MAGI1: variants seen among roughly 807,000 people sequenced by gnomAD.
MAGI1 encodes membrane associated guanylate kinase, WW and PDZ domain containing 1.
Under a neutral mutation model 139.9 loss-of-function variants are expected in MAGI1, and 58 were observed. The observed-to-expected ratio is 0.41, with a 90% confidence interval of 0.34 to 0.52. MAGI1 has a LOEUF of 0.52. Ranked by LOEUF, MAGI1 falls within the 20% of genes least tolerant of loss-of-function variation. MAGI1 has a pLI of 0.12. For synonymous variants in MAGI1, 812 were observed against 737.9 expected, an observed-to-expected ratio of 1.10 and a Z score of -1.63; for missense variants, 1,874 against 1,901.6, an observed-to-expected ratio of 0.99 and a Z score of 0.27.
At chr3:65,888,543 A>T (rs1185321255) in intron 1 of MAGI1, among the ~76,000 whole-genome samples, 1 of 152,216 alleles carries the variant, frequency 6.6e-6, no homozygotes, top group Non-Finnish European at 1.5e-5. Context: ...CAAGTAGTAA[A>T]TGGGATAAAA....
At chr3:65,382,137 A>G in intron 15 of MAGI1, 68 bp from the exon 16 acceptor site, 1 of 1,292,780 alleles carries the variant, frequency 7.7e-7, no homozygotes, top group Non-Finnish European at 1.1e-6. Flanking sequence ...AATAGCCTTC[A>G]CATCTCTGGG....
Position 65,363,498 on chromosome 3 carries a change from C to G in MAGI1, c.3462G>C (p.Glu1154Asp). ...TTCCACACCTCTCCGCAGGACCGTC[C>G]TCTGCTAAGCGCAGAACATAGAGGT... is the stretch of plus-strand genomic sequence containing the variant. ...NMDLYVLRLA[E>D]DGPAERCGKM... The change falls in exon 21 of 23, where the codon GAG becomes GAC. Residue 1154 changes from glutamate (E) to aspartate (D), a missense_variant. Physicochemically the swap from Glu to Asp is conservative, Grantham distance 45. Around this residue, in one of 5 missense-constraint regions of MAGI1, gnomAD observed 653 missense variants for 644.5 expected, o/e 1.01. Transcript: ENST00000402939. The G allele has an allele frequency of 6.2e-7, 1 of 1,613,946 alleles. No homozygotes were observed. The highest frequency in any genetic ancestry group is 8.5e-7 in the Non-Finnish European group (1 of 1,179,914).
chr3:65,359,618 G>A (rs1575593658), intron 22 of MAGI1: 1 of 995,438 alleles, frequency 1.0e-6, no homozygotes, highest in Non-Finnish European at 1.2e-6. Context: ...AAAAATATTG[G>A]AACTTAACAT....
chr3:65,931,594 G>C (rs950269947), intron 1 of MAGI1, among the ~76,000 whole-genome samples: 5 of 152,220 alleles, frequency 3.3e-5, no homozygotes, highest in African/African-American at 1.2e-4. Context: ...GAGCCCAGAA[G>C]TCAAGGTTGC....
chr3:65,456,656 A>G (rs1252567199), intron 5 of MAGI1, among the ~76,000 whole-genome samples: 1 of 152,066 alleles, frequency 6.6e-6, no homozygotes, highest in Non-Finnish European at 1.5e-5. Flanking sequence ...TTTATGTTTT[A>G]CATTTCAGAG....
intron 1 of MAGI1, among the ~76,000 whole-genome samples, chr3:65,824,982 A>G (rs1371978554): frequency 4.6e-5 from 7 of 152,334 alleles, no homozygotes; most frequent in East Asian, 3.9e-4. Context: ...CCTGCCCCCA[A>G]TGAGCAAACA....
intron 1 of MAGI1, among the ~76,000 whole-genome samples, chr3:65,832,703 G>A (rs948583367): frequency 1.3e-5 from 2 of 151,876 alleles, no homozygotes; most frequent in African/African-American, 4.8e-5. Flanking sequence ...CCACATCCTA[G>A]GGCAGCTCCA....
chr3:65,359,629 A>G (rs1182655449), intron 22 of MAGI1: 3 of 993,116 alleles, frequency 3.0e-6, no homozygotes, highest in Non-Finnish European at 3.6e-6. Context: ...AACTTAACAT[A>G]TTATAACCCA....
At chr3:65,535,900 AG>A (rs1168512921) in intron 2 of MAGI1, among the ~76,000 whole-genome samples, 19 of 152,198 alleles carry the variant, frequency 1.2e-4, no homozygotes, top group African/African-American at 4.3e-4. Context: ...AGCTGGCTTG[AG>A]TTTAAGGACC....
intron 14 of MAGI1, among the ~76,000 whole-genome samples, chr3:65,390,568 G>C (rs1943841620): frequency 6.6e-6 from 1 of 152,154 alleles, no homozygotes; most frequent in Non-Finnish European, 1.5e-5. Context: ...AAGTTACAAA[G>C]TATACTATCA....
chr3:65,984,712 C>T (rs113315879), intron 1 of MAGI1, among the ~76,000 whole-genome samples: 1,396 of 26,056 alleles, frequency 0.054, 429 homozygotes, highest in East Asian at 0.28. Flanking sequence ...ATTTTTTTTT[C>T]TTTTTTTTTT....
At chr3:65,964,893 A>G (rs2064660300) in intron 1 of MAGI1, among the ~76,000 whole-genome samples, 1 of 152,242 alleles carries the variant, frequency 6.6e-6, no homozygotes, top group African/African-American at 2.4e-5. Context: ...TGTCCAGGCC[A>G]CACAAGAAAT....
intron 1 of MAGI1, among the ~76,000 whole-genome samples, chr3:65,786,222 C>T (rs983698689): frequency 2.0e-5 from 3 of 146,756 alleles, no homozygotes; most frequent in Non-Finnish European, 4.5e-5. Context: ...TCCCAAAGTG[C>T]TGGGATTACC....
intron 1 of MAGI1, among the ~76,000 whole-genome samples, chr3:65,638,266 T>C (rs1421536410): frequency 6.6e-6 from 1 of 152,172 alleles, no homozygotes; most frequent in African/African-American, 2.4e-5. Flanking sequence ...TACCCTTTCC[T>C]TCATCATCTG....
intron 1 of MAGI1, among the ~76,000 whole-genome samples, chr3:65,681,517 G>A (rs2087589076): frequency 1.3e-5 from 2 of 152,208 alleles, no homozygotes; most frequent in South Asian, 4.1e-4. Context: ...AACCGGGACA[G>A]ACATTACAAT....
At chr3:65,444,361 G>C (rs1374774902) in intron 7 of MAGI1, among the ~76,000 whole-genome samples, 1 of 152,044 alleles carries the variant, frequency 6.6e-6, no homozygotes, top group Non-Finnish European at 1.5e-5. Flanking sequence ...TATTACCAAA[G>C]AGTTGGGAAA....
At chr3:66,013,688 G>A (rs1428583294) in intron 1 of MAGI1, among the ~76,000 whole-genome samples, 1 of 150,800 alleles carries the variant, frequency 6.6e-6, no homozygotes, top group Non-Finnish European at 1.5e-5. Context: ...TTGAACCCAG[G>A]ACGTGAGGCT....
intron 3 of MAGI1, among the ~76,000 whole-genome samples, chr3:65,486,961 T>A (rs755441246): frequency 6.6e-6 from 1 of 152,238 alleles, no homozygotes; most frequent in Non-Finnish European, 1.5e-5. Context: ...CTGTCTTTTC[T>A]ACCTCGTTCT....
At chr3:65,843,072 T>G (rs2058862275) in intron 1 of MAGI1, among the ~76,000 whole-genome samples, 1 of 152,202 alleles carries the variant, frequency 6.6e-6, no homozygotes, top group Admixed American at 6.5e-5. Context: ...CCCTGAATAC[T>G]TTTCTCTCCA....
Sources: gnomAD v4.1 joint callset for allele counts (sites outside exome capture counted in the v4.1 genomes callset) on GRCh38, gnomAD v4.1.1 for gene constraint, gnomAD v4.1.1 regional missense constraint, MANE v1.5 for transcripts, NCBI Gene and HGNC (gene_info 2026-07-23, HGNC 2026-07-21) for gene names.